Variants in ARB2A observed in about 807,000 individuals in gnomAD.
ARB2A encodes the protein cotranscriptional regulator ARB2A.
chr5:94,104,737 A>T, the ARB2A span, among the ~76,000 whole-genome samples: 1 of 152,100 alleles, frequency 6.6e-6, no homozygotes, highest in East Asian at 1.9e-4. Flanking sequence ...ATGAATATAG[A>T]TGTAAAAATC....
At chr5:94,024,960 G>C in the ARB2A span, among the ~76,000 whole-genome samples, 1 of 152,174 alleles carries the variant, frequency 6.6e-6, no homozygotes, top group African/African-American at 2.4e-5. Flanking sequence ...AAATATAAAA[G>C]GGCCAACTCA....
the ARB2A span, among the ~76,000 whole-genome samples, chr5:93,864,810 A>G: frequency 1.3e-4 from 20 of 152,286 alleles, no homozygotes; most frequent in Admixed American, 2.6e-4. Flanking sequence ...AAATCCTATA[A>G]CATATGAATG....
At chr5:93,683,435 G>A in the ARB2A span, 1 of 1,600,384 alleles carries the variant, frequency 6.2e-7, no homozygotes, top group East Asian at 2.2e-5. Context: ...CACTGGTGGT[G>A]TTATTTCAAA....
At chr5:93,631,061 T>C in the ARB2A span, among the ~76,000 whole-genome samples, 1 of 151,926 alleles carries the variant, frequency 6.6e-6, no homozygotes, top group Non-Finnish European at 1.5e-5. Context: ...ATTTTTCTAT[T>C]TTTAGTAGAG....
At chr5:93,986,605 T>C in the ARB2A span, among the ~76,000 whole-genome samples, 1 of 152,118 alleles carries the variant, frequency 6.6e-6, no homozygotes, top group Non-Finnish European at 1.5e-5. Context: ...AGAGGAGAGA[T>C]CAGAGTGTTA....
the ARB2A span, chr5:93,862,689 G>C: frequency 6.6e-6 from 1 of 152,106 alleles, no homozygotes; most frequent in Non-Finnish European, 1.5e-5. Context: ...CACGGGAAGA[G>C]AGAGAGTCAA....
the ARB2A span, among the ~76,000 whole-genome samples, chr5:93,904,012 G>A: frequency 2.5e-4 from 38 of 151,864 alleles, 1 homozygote; most frequent in African/African-American, 8.9e-4. Context: ...ATTATCAGAA[G>A]TTTCGGGAGG....
chr5:93,710,905 T>G, the ARB2A span, among the ~76,000 whole-genome samples: 1 of 152,220 alleles, frequency 6.6e-6, no homozygotes, highest in Non-Finnish European at 1.5e-5. Flanking sequence ...ATCCTCCCTC[T>G]GCCACCTTAC....
chr5:93,804,167 G>A, the ARB2A span, among the ~76,000 whole-genome samples: 1 of 151,990 alleles, frequency 6.6e-6, no homozygotes, highest in East Asian at 1.9e-4. Flanking sequence ...CTACATTAAA[G>A]TGTTCAAATA....
At chr5:93,937,169 G>A in the ARB2A span, among the ~76,000 whole-genome samples, 6 of 150,878 alleles carry the variant, frequency 4.0e-5, no homozygotes, top group Non-Finnish European at 8.9e-5. Flanking sequence ...CACCGCGCCC[G>A]GCCAATTATA....
At chr5:93,685,276 T>C in the ARB2A span, among the ~76,000 whole-genome samples, 1 of 152,184 alleles carries the variant, frequency 6.6e-6, no homozygotes, top group South Asian at 2.1e-4. Flanking sequence ...TTTTTTAAAT[T>C]TATAAAATCA....
At chr5:93,761,024 G>T in the ARB2A span, among the ~76,000 whole-genome samples, 10 of 152,280 alleles carry the variant, frequency 6.6e-5, no homozygotes, top group Admixed American at 6.5e-4. Flanking sequence ...CTAATATCTA[G>T]AATCTACAAT....
the ARB2A span, among the ~76,000 whole-genome samples, chr5:93,836,826 A>C: frequency 6.6e-6 from 1 of 152,208 alleles, no homozygotes; most frequent in Non-Finnish European, 1.5e-5. Flanking sequence ...CCAGTATTAG[A>C]AATTTTGGAC....
At chr5:94,086,057 A>G in the ARB2A span, among the ~76,000 whole-genome samples, 1 of 152,230 alleles carries the variant, frequency 6.6e-6, no homozygotes, top group Admixed American at 6.5e-5. Flanking sequence ...ACATAAGTCA[A>G]TGCAAGTTAT....
chr5:93,785,143 CA>C, the ARB2A span, among the ~76,000 whole-genome samples: 3 of 151,986 alleles, frequency 2.0e-5, no homozygotes, highest in African/African-American at 7.2e-5. Context: ...TCTAAAATAA[CA>C]AAAAAAGATT....
the ARB2A span, among the ~76,000 whole-genome samples, chr5:93,965,474 ATTG>A: frequency 6.6e-6 from 1 of 152,030 alleles, no homozygotes; most frequent in African/African-American, 2.4e-5. Context: ...GATCTACAGA[ATTG>A]TTAAGATAAT....
the ARB2A span, chr5:93,741,384 C>T: frequency 1.2e-6 from 2 of 1,612,692 alleles, no homozygotes; most frequent in East Asian, 2.2e-5. Context: ...GAATCCTCCA[C>T]ACGTCAGGGC....
At chr5:94,077,840 C>T in the ARB2A span, among the ~76,000 whole-genome samples, 1 of 152,166 alleles carries the variant, frequency 6.6e-6, no homozygotes, top group Admixed American at 6.5e-5. Flanking sequence ...GGTTACAGTA[C>T]AAACTAGATT....
At chr5:93,726,442 T>C in the ARB2A span, among the ~76,000 whole-genome samples, 1 of 152,156 alleles carries the variant, frequency 6.6e-6, no homozygotes, top group East Asian at 1.9e-4. Context: ...GAGAAGGCTG[T>C]TTCTCTAGGA....
Sources: gnomAD v4.1 joint callset for allele counts (sites outside exome capture counted in the v4.1 genomes callset) on GRCh38, gnomAD v4.1.1 for gene constraint, MANE v1.5 for transcripts, NCBI Gene and HGNC (gene_info 2026-07-23, HGNC 2026-07-21) for gene names.